The following OR4D1 variants were observed in gnomAD, a reference collection of about 807,000 sequenced individuals.
OR4D1 encodes olfactory receptor family 4 subfamily D member 1.
Under a neutral mutation model 14.2 loss-of-function variants are expected in OR4D1, and 10 were observed. That is an observed-to-expected ratio of 0.71 (90% CI 0.44 to 1.20). The LOEUF (loss-of-function observed/expected upper bound fraction) is 1.20, where lower values mean the gene tolerates loss of function less well. Among genes scored for constraint, OR4D1 ranks in the 50% most tolerant of loss-of-function variants. The pLI is 0.00. For missense variants in OR4D1, 345 were observed against 376.6 expected (o/e 0.92, Z 0.70); for synonymous variants, 141 against 147.4 (o/e 0.96, Z 0.32).
At chr17:58,154,263 C>T (rs369859555) in intron 3 of OR4D1, among the ~76,000 whole-genome samples, 1 of 115,356 alleles carries the variant, frequency 8.7e-6, no homozygotes, top group Non-Finnish European at 1.8e-5. Context: ...TCCAGCCAAC[C>T]CTCTTTTTTT....
In OR4D1 at chr17:58,158,066, A is replaced by G. The variant is rs1356716592; in HGVS notation, c.*1980A>G. ...TGGCTCTGATGGTTTTTATGTATAAATATATATATAATAAAATATAATACA... is the reference window on the plus strand; with the variant it reads ...TGGCTCTGATGGTTTTTATGTATAAGTATATATATAATAAAATATAATACA... On this transcript the variant is annotated 3_prime_UTR_variant, in exon 4 of 4. Transcript: ENST00000268912. The G allele has an allele frequency of 5.7e-6, 1 of 176,212 alleles. No individual in the cohort carries two copies. The highest frequency in any genetic ancestry group is 2.4e-5 in the African/African-American group (1 of 42,190). The allele number at this position is 176,212 out of a possible 1,614,324, so 10.9% of individuals were successfully genotyped here. A position where few individuals can be genotyped will look rare whatever the true frequency, so the allele number is the denominator to read the frequency against.
chr17:58,156,062 G>C lies in OR4D1; in HGVS notation c.909G>C (p.Lys303Asn). The change falls in exon 4 of 4, where the codon AAG becomes AAC. Residue 303 changes from lysine to asparagine, a missense_variant. Coordinates refer to ENST00000268912, the MANE Select transcript of OR4D1 (RefSeq NM_001386095.1). Reference protein sequence around the residue: ...DMKAAMRRLGKCLVICRE With the variant: ...DMKAAMRRLGNCLVICRE Reference sequence around the variant, plus strand: ...AAGCAGCCATGAGGAGATTAGGCAAGTGCCTAGTAATTTGCAGGGAGTAAA... The same window carrying C: ...AAGCAGCCATGAGGAGATTAGGCAACTGCCTAGTAATTTGCAGGGAGTAAA... The C allele has an allele frequency of 6.2e-7, 1 of 1,609,572 alleles. No individual in the cohort carries two copies. Among genetic ancestry groups the C allele is most frequent in the Non-Finnish European group, 8.5e-7 (1 of 1,178,060 alleles).
At chr17:58,155,061 C>A in intron 3 of OR4D1, 74 bp from the exon 4 acceptor site, 1 of 1,044,794 alleles carries the variant, frequency 9.6e-7, no homozygotes, top group Non-Finnish European at 1.4e-6. Context: ...TCAACTCAAT[C>A]CTGACTGTCC....
At chr17:58,149,886 T>A (rs1267773092) in intron 2 of OR4D1, 90 bp downstream of exon 2, 5 of 152,204 alleles carry the variant, frequency 3.3e-5, no homozygotes, top group Admixed American at 3.3e-4. Context: ...CTCCATGTGA[T>A]CTGGGAGAAA....
chr17:58,158,457 C>CA lies in OR4D1; in HGVS notation c.*2371_*2372insA, dbSNP rs891169841. On this transcript the variant is annotated 3_prime_UTR_variant, in exon 4 of 4. Coordinates refer to ENST00000268912, the MANE Select transcript of OR4D1 (RefSeq NM_001386095.1). ...TATCTCTCCCCACGCCCACCCCCCC[C>CA]CCACACACACATTTTTACAGTTTTA... 3.4e-5 allele frequency: 5 copies of CA among 145,040 alleles called. No individual in the cohort carries two copies. The highest frequency in any genetic ancestry group is 6.9e-5 in the Admixed American group (1 of 14,548). 9.0% of individuals were successfully genotyped at this position (145,040 alleles called of 1,614,324 possible).
In OR4D1 at chr17:58,157,706, T is replaced by C; in HGVS notation, c.*1620T>C. 1 of 1,613,722 alleles carries C rather than the reference T, an allele frequency of 6.2e-7. No homozygotes were observed. ...CTCGCCCCTGCAGGCAGCGTCCATA[T>C]ACGCAGCATCCTACCCGTTCCATAG... On this transcript the variant is annotated 3_prime_UTR_variant, in exon 4 of 4. Coordinates refer to ENST00000268912, the MANE Select transcript of OR4D1 (RefSeq NM_001386095.1).
intron 2 of OR4D1, among the ~76,000 whole-genome samples, chr17:58,153,443 A>T (rs957447169): frequency 6.6e-6 from 1 of 152,274 alleles, no homozygotes; most frequent in African/African-American, 2.4e-5. Flanking sequence ...ATATCTGAGG[A>T]TAAATGTGAA....
Position 58,156,034 on chromosome 17 carries a change from T to G in OR4D1, c.881T>G (p.Met294Arg). Reference sequence around the variant, plus strand: ...ATCTACACCCTGAGAAACCAGGACATGAAAGCAGCCATGAGGAGATTAGGC... The same window carrying G: ...ATCTACACCCTGAGAAACCAGGACAGGAAAGCAGCCATGAGGAGATTAGGC... ...PMIYTLRNQDMKAAMRRLGKC... is the reference protein window; with the variant it reads ...PMIYTLRNQDRKAAMRRLGKC... The change falls in exon 4 of 4, where the codon ATG (methionine) becomes AGG (arginine). Residue 294 changes from methionine (M) to arginine (R), a missense_variant. Physicochemically the swap from Met to Arg is moderately conservative, Grantham distance 91. Coordinates refer to ENST00000268912, the MANE Select transcript of OR4D1 (RefSeq NM_001386095.1). 6.2e-7 allele frequency: 1 copy of G among 1,613,894 alleles called. No homozygotes were observed. The highest frequency in any genetic ancestry group is 8.5e-7 in the Non-Finnish European group (1 of 1,179,902).
intron 3 of OR4D1, among the ~76,000 whole-genome samples, chr17:58,154,882 G>T (rs1048297118): frequency 6.6e-6 from 1 of 152,218 alleles, no homozygotes; most frequent in Non-Finnish European, 1.5e-5. Flanking sequence ...GAAACCTGTG[G>T]TTGAGGACAG....
intron 3 of OR4D1, 43 bp from the exon 4 acceptor site, chr17:58,155,077 AAATGATTGAATTTTC>A: frequency 1.7e-6 from 2 of 1,192,288 alleles, no homozygotes. Flanking sequence ...TGTCCAAGGA[AAATGATTGAATTTTC>A]ATTTTTTTTG....
At chr17:58,151,324 CAT>C (rs1348314930) in intron 2 of OR4D1, among the ~76,000 whole-genome samples, 1 of 152,088 alleles carries the variant, frequency 6.6e-6, no homozygotes, top group Non-Finnish European at 1.5e-5. Flanking sequence ...CATAGGTAAA[CAT>C]GTGCCATGGT....
In OR4D1 at chr17:58,156,745, T is replaced by C. The variant is rs1967780133; in HGVS notation, c.*659T>C. ...CAAGTTTAGAGGCAAGAAATAGGAA[T>C]GGGATTTGAAACTCAAGAGTTTCCT... On this transcript the variant is annotated 3_prime_UTR_variant, in exon 4 of 4. Coordinates refer to ENST00000268912, the MANE Select transcript of OR4D1 (RefSeq NM_001386095.1). The C allele has an allele frequency of 5.6e-6, 1 of 177,808 alleles. No homozygotes were observed. The highest frequency in any genetic ancestry group is 5.7e-5 in the Admixed American group (1 of 17,412). 11.0% of individuals were successfully genotyped at this position (177,808 alleles called of 1,614,324 possible). A position where few individuals can be genotyped will look rare whatever the true frequency, so the allele number is the denominator to read the frequency against.
At chr17:58,154,587 T>C (rs976533479) in intron 3 of OR4D1, among the ~76,000 whole-genome samples, 6 of 152,226 alleles carry the variant, frequency 3.9e-5, no homozygotes, top group African/African-American at 1.4e-4. Flanking sequence ...CATTTACCTC[T>C]GATTTTGTAC....
In OR4D1 at chr17:58,156,902, A is replaced by G; in HGVS notation, c.*816A>G. 1.7e-6 allele frequency: 1 copy of G among 582,574 alleles called. No individual in the cohort carries two copies. Among genetic ancestry groups the G allele is most frequent in the Non-Finnish European group, 3.1e-6 (1 of 317,868 alleles). 36.1% of individuals were successfully genotyped at this position (582,574 alleles called of 1,614,324 possible). A position where few individuals can be genotyped will look rare whatever the true frequency, so the allele number is the denominator to read the frequency against. Reference sequence around the variant, plus strand: ...TCCCCACCTCCCTGCCTCATTCCCCACTGTGGAATTTAGAAAGTTATCTCG... The same window carrying G: ...TCCCCACCTCCCTGCCTCATTCCCCGCTGTGGAATTTAGAAAGTTATCTCG... On this transcript the variant is annotated 3_prime_UTR_variant, in exon 4 of 4. Transcript: ENST00000268912.
Position 58,155,524 on chromosome 17 carries a change from T to A in OR4D1, c.371T>A (p.Ile124Lys). The change falls in exon 4 of 4, where the codon ATA becomes AAA. Residue 124 changes from isoleucine (I) to lysine (K), a missense_variant. Ile to Lys is a moderately radical substitution (Grantham distance 102, BLOSUM62 -3). Transcript: ENST00000268912. ...FLSVMAYDRY[I>K]AISQPLRYVT... ...TCAGTCATGGCCTATGACCGCTACA[T>A]AGCCATCTCCCAGCCCCTCCGGTAT... 2.5e-6 allele frequency: 4 copies of A among 1,614,186 alleles called. No individual in the cohort carries two copies. Among genetic ancestry groups the A allele is most frequent in the Non-Finnish European group, 3.4e-6 (4 of 1,180,018 alleles).
Position 58,156,317 on chromosome 17 carries a change from C to G in OR4D1, c.*231C>G, listed in dbSNP as rs1245228864. 1 of 418,158 alleles carries G rather than the reference C, an allele frequency of 2.4e-6. No homozygotes were observed. The highest frequency in any genetic ancestry group is 4.2e-6 in the Non-Finnish European group (1 of 236,864). The allele number at this position is 418,158 out of a possible 1,614,324, so 25.9% of individuals were successfully genotyped here. A position where few individuals can be genotyped will look rare whatever the true frequency, so the allele number is the denominator to read the frequency against. On this transcript the variant is annotated 3_prime_UTR_variant, in exon 4 of 4. Coordinates refer to ENST00000268912, the MANE Select transcript of OR4D1 (RefSeq NM_001386095.1). ...CCAGGCTGGAGTGCAGTGGTGCAGT[C>G]TAGGCTCACTGCAACCTCCACCTCC...
rs1258445357 is a variant in OR4D1 at position 58,159,109 on chromosome 17, AAAG to A, written c.*3028_*3030del. 3.3e-5 allele frequency: 5 copies of A among 152,336 alleles called. No individual in the cohort carries two copies. The highest frequency in any genetic ancestry group is 1.2e-4 in the African/African-American group (5 of 41,580). 9.4% of individuals were successfully genotyped at this position (152,336 alleles called of 1,614,324 possible). A position where few individuals can be genotyped will look rare whatever the true frequency, so the allele number is the denominator to read the frequency against. On this transcript the variant is annotated 3_prime_UTR_variant, in exon 4 of 4. Transcript: ENST00000268912. The stretch of plus-strand genomic sequence containing the variant: ...AATTAAACATGTTTTATTGCAAAAA[AAAG>A]AAGAGAAAGTTATCTCACTTTTAGC...
At chr17:58,150,372 G>A (rs1967686126) in intron 2 of OR4D1, among the ~76,000 whole-genome samples, 1 of 152,164 alleles carries the variant, frequency 6.6e-6, no homozygotes, top group South Asian at 2.1e-4. Context: ...AAAACCTGGA[G>A]GCAAGAACCC....
chr17:58,150,496 G>T (rs1967687252), intron 2 of OR4D1, among the ~76,000 whole-genome samples: 1 of 152,180 alleles, frequency 6.6e-6, no homozygotes, highest in Non-Finnish European at 1.5e-5. Flanking sequence ...GAGAAGTCTA[G>T]CTGGGTGAGG....
Sources: allele counts gnomAD v4.1 joint callset (sites outside exome capture counted in the v4.1 genomes callset), GRCh38; gene constraint gnomAD v4.1.1; transcripts MANE v1.5; gene names NCBI Gene and HGNC (gene_info 2026-07-23, HGNC 2026-07-21).